The following SYNPO2 variants were observed in gnomAD, a reference collection of about 807,000 sequenced individuals.
The protein encoded by SYNPO2 is synaptopodin 2.
A neutral mutation model predicts 85.0 loss-of-function variants in SYNPO2; 56 were observed. The ratio of observed to expected loss-of-function variants is 0.66; its 90% CI spans 0.53 to 0.82. SYNPO2 has a LOEUF of 0.82. Ranked by LOEUF, SYNPO2 falls within the 40% of genes least tolerant of loss-of-function variation. The probability of loss-of-function intolerance (pLI) is 0.00; values close to 1 mark genes in which losing one functional copy is unlikely to be tolerated. For synonymous variants in SYNPO2, 602 were observed against 591.1 expected (o/e 1.02, Z -0.27); for missense variants, 1,575 against 1,534.2 (o/e 1.03, Z -0.44).
chr4:118,943,163 G>A (rs184629050), intron 1 of SYNPO2, among the ~76,000 whole-genome samples: 3 of 151,884 alleles, frequency 2.0e-5, no homozygotes, highest in East Asian at 3.9e-4. Context: ...TTAAAGGATG[G>A]TGTGTTGACA....
intron 1 of SYNPO2, among the ~76,000 whole-genome samples, chr4:118,978,792 GACACAC>G (rs5861400): frequency 0.36 from 53,687 of 148,124 alleles, 9,718 homozygotes; most frequent in South Asian, 0.54. Context: ...CTCCTGCCAT[GACACAC>G]ACACACACAC....
intron 1 of SYNPO2, among the ~76,000 whole-genome samples, chr4:118,976,162 G>T (rs1437233148): frequency 6.6e-6 from 1 of 152,020 alleles, no homozygotes; most frequent in Non-Finnish European, 1.5e-5. Context: ...TCTTAAGTTG[G>T]CACGTCTGGA....
chr4:118,882,833 G>A (rs538014017), intron 1 of SYNPO2, among the ~76,000 whole-genome samples: 41 of 151,642 alleles, frequency 2.7e-4, no homozygotes, highest in African/African-American at 9.4e-4. Flanking sequence ...GCAATGGTGC[G>A]ATCTCGGCTC....
rs114998042 is a variant in SYNPO2, at chr4:118,901,645, G to T, written c.105+12504G>T. On this transcript the variant is annotated intron_variant, in intron 1 of 4. Transcript: ENST00000307142. ...TCATTTTGTGAGAGTCAATTTCCTT[G>T]AAACTAGATAATTATATGGAAATTC... Among the ~76,000 whole-genome samples the T allele has an allele frequency of 8.2e-3, 1,255 of 152,242 alleles. 18 individuals carry two copies. Among genetic ancestry groups the T allele is most frequent in the African/African-American group, 0.027 (1,128 of 41,552 alleles).
chr4:118,997,614 G>A (rs1031167981), intron 1 of SYNPO2, among the ~76,000 whole-genome samples: 5 of 152,196 alleles, frequency 3.3e-5, no homozygotes, highest in Admixed American at 1.3e-4. Flanking sequence ...CAAAGTCTGT[G>A]AGTTGAAAGA....
chr4:118,956,967 C>A (rs1729411455), intron 1 of SYNPO2, among the ~76,000 whole-genome samples: 1 of 151,836 alleles, frequency 6.6e-6, no homozygotes, highest in Non-Finnish European at 1.5e-5. Context: ...ATCACTTGAA[C>A]CTGGGAGGTA....
intron 1 of SYNPO2, among the ~76,000 whole-genome samples, chr4:118,952,892 C>A (rs574815872): frequency 1.1e-3 from 163 of 152,152 alleles, no homozygotes; most frequent in Non-Finnish European, 2.0e-3. Context: ...ATTATGATAC[C>A]AATTTTCTAA....
At chr4:119,038,085 A>G (rs1399515275) in intron 4 of SYNPO2, 1 of 947,008 alleles carries the variant, frequency 1.1e-6, no homozygotes, top group Non-Finnish European at 1.3e-6. Flanking sequence ...TTAGGGTTAG[A>G]TTTAGATATT....
At chr4:118,887,166 A>AGAGTGTGTGTGT (rs57115153), upstream of SYNPO2, among the ~76,000 whole-genome samples, 294 of 139,140 alleles carry the variant, frequency 2.1e-3, 1 homozygote, top group East Asian at 0.012. Flanking sequence ...CATCTGAGTG[A>AGAGTGTGTGTGT]GTGTGTGTGT....
chr4:118,919,248 G>C (rs546468644), intron 1 of SYNPO2, among the ~76,000 whole-genome samples: 1 of 61,582 alleles, frequency 1.6e-5, no homozygotes, highest in South Asian at 8.0e-4. Flanking sequence ...ATTCTTCTGA[G>C]CCTGGATTGA....
chr4:118,913,512 C>T (rs1733207628), intron 1 of SYNPO2, among the ~76,000 whole-genome samples: 2 of 151,812 alleles, frequency 1.3e-5, no homozygotes, highest in Admixed American at 1.3e-4. Context: ...AAACAGAATT[C>T]AAATAGCTAG....
intron 4 of SYNPO2, chr4:119,038,018 T>C (rs1738585027): frequency 2.3e-6 from 1 of 436,418 alleles, no homozygotes; most frequent in Non-Finnish European, 3.0e-6. Context: ...ATGAGGTATC[T>C]AAGCTCAGAG....
intron 4 of SYNPO2, among the ~76,000 whole-genome samples, chr4:119,054,107 A>T (rs1284278422): frequency 6.6e-6 from 1 of 152,190 alleles, no homozygotes; most frequent in African/African-American, 2.4e-5. Context: ...CAACCCCTTG[A>T]GGGAGGGAGC....
intron 1 of SYNPO2, among the ~76,000 whole-genome samples, chr4:118,919,619 T>G (rs1417524284): frequency 2.0e-5 from 3 of 152,164 alleles, no homozygotes; most frequent in Non-Finnish European, 4.4e-5. Context: ...AGTGTTATTG[T>G]AGAAGATGGT....
At chr4:119,037,201 C>T in intron 4 of SYNPO2, 1 of 1,531,906 alleles carries the variant, frequency 6.5e-7, no homozygotes, top group Admixed American at 2.0e-5. Flanking sequence ...AATGATAATA[C>T]TCAAAATAAC....
chr4:118,996,004 C>CT (rs1560958251), intron 1 of SYNPO2, among the ~76,000 whole-genome samples: 1 of 152,138 alleles, frequency 6.6e-6, no homozygotes, highest in Non-Finnish European at 1.5e-5. Flanking sequence ...GATCCAGGCT[C>CT]TTTTGTACTG....
In SYNPO2 at chr4:118,925,217, A is replaced by G. The variant is rs529654633; in HGVS notation, c.105+36076A>G. 2.4e-4 allele frequency among the ~76,000 whole-genome samples: 37 copies of G among 152,274 alleles called. No individual in the cohort carries two copies. The South Asian group carries it at 7.7e-3, about 32-fold the overall frequency. ...AAATGTGTTTTAGGGAGACATGAGGATGGCACATATCCCTAACATAAGAGA... is the reference window on the plus strand; with the variant it reads ...AAATGTGTTTTAGGGAGACATGAGGGTGGCACATATCCCTAACATAAGAGA... On this transcript the variant is annotated intron_variant, in intron 1 of 4. Transcript: ENST00000307142.
chr4:119,037,341 A>G (rs748993538), intron 4 of SYNPO2: 13 of 1,249,106 alleles, frequency 1.0e-5, no homozygotes, highest in Non-Finnish European at 1.3e-5. Context: ...CCCTGAGTTG[A>G]AAAAATTTCA....
intron 1 of SYNPO2, among the ~76,000 whole-genome samples, chr4:118,935,770 T>C (rs1015463695): frequency 5.9e-5 from 9 of 152,370 alleles, no homozygotes; most frequent in African/African-American, 1.9e-4. Flanking sequence ...TTGTACACTA[T>C]ATACATTATA....
Sources: gnomAD v4.1 joint callset for allele counts (sites outside exome capture counted in the v4.1 genomes callset) on GRCh38, gnomAD v4.1.1 for gene constraint, MANE v1.5 for transcripts, NCBI Gene and HGNC (gene_info 2026-07-23, HGNC 2026-07-21) for gene names.